RPS6KC1: variants seen among roughly 807,000 people sequenced by gnomAD.
The protein encoded by RPS6KC1 is ribosomal protein S6 kinase C1, also known as inactive ribosomal protein S6 kinase delta-1.
A neutral mutation model predicts 103.8 loss-of-function variants in RPS6KC1; 54 were observed. That is an observed-to-expected ratio of 0.52 (90% CI 0.42 to 0.65). The LOEUF (loss-of-function observed/expected upper bound fraction) is 0.65, where lower values mean the gene tolerates loss of function less well. RPS6KC1 is among the 30% of genes least tolerant of loss of function. The pLI is 0.00. For missense variants in RPS6KC1, 1,151 were observed against 1,253.8 expected (o/e 0.92, Z 1.24); for synonymous variants, 439 against 438.7 (o/e 1.00, Z -0.01).
the RPS6KC1 span, among the ~76,000 whole-genome samples, chr1:213,429,481 T>C: frequency 6.6e-6 from 1 of 152,136 alleles, no homozygotes; most frequent in Non-Finnish European, 1.5e-5. Context: ...TTAACAATTG[T>C]TTTTGAAATT....
At chr1:213,432,112 A>T in the RPS6KC1 span, among the ~76,000 whole-genome samples, 11 of 152,208 alleles carry the variant, frequency 7.2e-5, no homozygotes, top group East Asian at 2.1e-3. Context: ...ATATTTTAGA[A>T]ATTGGGTTCT....
At chr1:213,387,058 C>T in the RPS6KC1 span, among the ~76,000 whole-genome samples, 1 of 152,182 alleles carries the variant, frequency 6.6e-6, no homozygotes, top group Admixed American at 6.5e-5. Context: ...TCTTTGAGAA[C>T]ACAATATGGA....
the RPS6KC1 span, among the ~76,000 whole-genome samples, chr1:213,360,607 C>T: frequency 1.3e-5 from 2 of 152,202 alleles, no homozygotes; most frequent in Non-Finnish European, 2.9e-5. Context: ...TGAGGAGCTG[C>T]GTTCCTTTGG....
intron 3 of RPS6KC1, among the ~76,000 whole-genome samples, chr1:213,094,657 T>TAATA (rs1277157269): frequency 6.6e-6 from 1 of 152,206 alleles, no homozygotes; most frequent in African/African-American, 2.4e-5. Context: ...GGCCAGGCAC[T>TAATA]ATATTGGTTT....
the RPS6KC1 span, among the ~76,000 whole-genome samples, chr1:213,383,663 G>A: frequency 6.6e-6 from 1 of 152,104 alleles, no homozygotes; most frequent in African/African-American, 2.4e-5. Flanking sequence ...GTGAAATGCA[G>A]TCTTATGGAT....
At chr1:213,466,582 A>G in the RPS6KC1 span, among the ~76,000 whole-genome samples, 1 of 152,228 alleles carries the variant, frequency 6.6e-6, no homozygotes, top group South Asian at 2.1e-4. Flanking sequence ...TTCTGGTTGT[A>G]CATTTGTACA....
chr1:213,663,470 TTC>T, the RPS6KC1 span, among the ~76,000 whole-genome samples: 1 of 152,162 alleles, frequency 6.6e-6, no homozygotes, highest in Non-Finnish European at 1.5e-5. Context: ...GCATTTCAGT[TTC>T]TCTCTCTACA....
At chr1:213,841,311 G>C in the RPS6KC1 span, 1 of 152,068 alleles carries the variant, frequency 6.6e-6, no homozygotes, top group African/African-American at 2.4e-5. Context: ...AAAACATGAA[G>C]ATTGGAGGAG....
At chr1:213,462,870 G>A in the RPS6KC1 span, among the ~76,000 whole-genome samples, 1 of 152,052 alleles carries the variant, frequency 6.6e-6, no homozygotes, top group African/African-American at 2.4e-5. Context: ...CTGCACGTTT[G>A]GCACATATAT....
intron 6 of RPS6KC1, among the ~76,000 whole-genome samples, chr1:213,132,180 T>A (rs1206336348): frequency 6.6e-6 from 1 of 152,222 alleles, no homozygotes; most frequent in Admixed American, 6.5e-5. Context: ...TAGACTGCTA[T>A]CTTAAGGAAC....
At chr1:213,549,930 A>G in the RPS6KC1 span, among the ~76,000 whole-genome samples, 1 of 151,988 alleles carries the variant, frequency 6.6e-6, no homozygotes, top group Admixed American at 6.6e-5. Context: ...GCTTCTACTT[A>G]AGCTTCTAGG....
the RPS6KC1 span, among the ~76,000 whole-genome samples, chr1:213,667,226 A>G: frequency 6.6e-6 from 1 of 152,192 alleles, no homozygotes; most frequent in East Asian, 1.9e-4. Flanking sequence ...GCAGAGGGAA[A>G]ATGGGAGGGA....
At chr1:213,607,206 G>C in the RPS6KC1 span, among the ~76,000 whole-genome samples, 3 of 152,208 alleles carry the variant, frequency 2.0e-5, no homozygotes, top group African/African-American at 7.2e-5. Context: ...ATTAGGTGCT[G>C]AACTGGCCAA....
chr1:213,835,338 T>C, the RPS6KC1 span, among the ~76,000 whole-genome samples: 1 of 152,210 alleles, frequency 6.6e-6, no homozygotes, highest in South Asian at 2.1e-4. Context: ...TTTTGAAATA[T>C]GTTTGGATTC....
chr1:213,392,833 T>C, the RPS6KC1 span, among the ~76,000 whole-genome samples: 2 of 152,354 alleles, frequency 1.3e-5, no homozygotes, highest in East Asian at 3.9e-4. Context: ...GGAATTCTGA[T>C]TTAACTGATA....
chr1:213,171,525 A>G (rs958829176), intron 7 of RPS6KC1, among the ~76,000 whole-genome samples: 1 of 152,222 alleles, frequency 6.6e-6, no homozygotes, highest in Non-Finnish European at 1.5e-5. Flanking sequence ...AATTTAGCAC[A>G]TAAAATATTT....
chr1:213,414,950 G>A, the RPS6KC1 span, among the ~76,000 whole-genome samples: 3 of 152,262 alleles, frequency 2.0e-5, no homozygotes, highest in African/African-American at 7.2e-5. Context: ...CCCTGGGATT[G>A]CTGATTCTTT....
chr1:213,248,876 C>T (rs2094497825), intron 12 of RPS6KC1, among the ~76,000 whole-genome samples: 1 of 152,074 alleles, frequency 6.6e-6, no homozygotes, highest in Admixed American at 6.5e-5. Flanking sequence ...TTAGCACATC[C>T]CAAGAGAAGT....
At chr1:213,078,683 T>C (rs558374571) in intron 3 of RPS6KC1, among the ~76,000 whole-genome samples, 1 of 152,352 alleles carries the variant, frequency 6.6e-6, no homozygotes, top group Admixed American at 6.5e-5. Flanking sequence ...ATTACAGGCA[T>C]GAGCCACTGT....
Sources: gnomAD v4.1 joint callset for allele counts (sites outside exome capture counted in the v4.1 genomes callset) on GRCh38, gnomAD v4.1.1 for gene constraint, MANE v1.5 for transcripts, NCBI Gene and HGNC (gene_info 2026-07-23, HGNC 2026-07-21) for gene names.